CAST: variants seen among roughly 807,000 people sequenced by gnomAD.
The protein encoded by CAST is MIR583 host.
Under a neutral mutation model 119.6 loss-of-function variants are expected in CAST, and 76 were observed. The ratio of observed to expected loss-of-function variants is 0.64; its 90% CI spans 0.53 to 0.77. The LOEUF (loss-of-function observed/expected upper bound fraction) is 0.77. Ranked by LOEUF, CAST falls within the 30% of genes least tolerant of loss-of-function variation. CAST has a pLI of 0.00. For synonymous variants in CAST, 319 were observed against 331.6 expected (o/e 0.96, Z 0.41); for missense variants, 953 against 946.5 (o/e 1.01, Z -0.09).
At chr5:96,689,233 C>T (rs896240851) in intron 2 of CAST, among the ~76,000 whole-genome samples, 5 of 152,146 alleles carry the variant, frequency 3.3e-5, no homozygotes, top group Non-Finnish European at 7.3e-5. Context: ...GGTTTATATG[C>T]ACACACTATC....
chr5:96,205,046 C>T, the CAST span, among the ~76,000 whole-genome samples: 1 of 152,034 alleles, frequency 6.6e-6, no homozygotes, highest in Non-Finnish European at 1.5e-5. Flanking sequence ...AAACAACTGA[C>T]GTGACAAGGA....
At chr5:96,429,427 C>T in the CAST span, 1 of 660,152 alleles carries the variant, frequency 1.5e-6, no homozygotes, top group African/African-American at 1.8e-5. Context: ...AAGCCCATTC[C>T]TGGTATCTGA....
At position 96,695,756 on chromosome 5, in the gene CAST, T is replaced by G. The variant is rs1753207490; in HGVS notation, c.139-80T>G. 2.6e-5 allele frequency: 22 copies of G among 832,838 alleles called. No homozygotes were observed. The South Asian group carries it at 3.4e-4, about 13-fold the overall frequency. 51.6% of individuals were successfully genotyped at this position (832,838 alleles called of 1,614,324 possible). A position where few individuals can be genotyped will look rare whatever the true frequency, so the allele number is the denominator to read the frequency against. On this transcript the variant is annotated intron_variant, in intron 2 of 31. Transcript: ENST00000675179. ...TCTGATTTTTGCTTGAGAAAATATT[T>G]GTATTGATATGTAAGTTTGCATTTG...
chr5:96,738,657 G>C (rs1013288763), intron 11 of CAST, among the ~76,000 whole-genome samples: 5 of 151,978 alleles, frequency 3.3e-5, no homozygotes, highest in African/African-American at 1.2e-4. Context: ...TGCCAGCCAG[G>C]CATGGTGGCT....
chr5:96,742,633 C>G lies in CAST; in HGVS notation c.1099-22C>G, dbSNP rs10515244. The G allele has an allele frequency of 0.12, 177,231 of 1,505,340 alleles. 11,539 individuals are homozygous for G. Among genetic ancestry groups the G allele is most frequent in the Non-Finnish European group, 0.13 (145,272 of 1,081,420 alleles). 93.2% of individuals were successfully genotyped at this position (1,505,340 alleles called of 1,614,324 possible). ...CTCCAGAGATGTCTTTTTTCATGCACAGGATTTTTTACTTTTAACAGGATA... is the reference window on the plus strand; with the variant it reads ...CTCCAGAGATGTCTTTTTTCATGCAGAGGATTTTTTACTTTTAACAGGATA... On this transcript the variant is annotated intron_variant, in intron 15 of 31. Coordinates refer to ENST00000675179, the MANE Select transcript of CAST (RefSeq NM_001750.7).
intron 24 of CAST, among the ~76,000 whole-genome samples, chr5:96,759,235 G>A (rs1034568492): frequency 6.6e-6 from 1 of 152,102 alleles, no homozygotes; most frequent in African/African-American, 2.4e-5. Context: ...AAATTTGGGG[G>A]AGAAGTATCA....
At chr5:96,567,640 C>T (rs550398181) in intron 1 of CAST, among the ~76,000 whole-genome samples, 1 of 152,284 alleles carries the variant, frequency 6.6e-6, no homozygotes, top group East Asian at 1.9e-4. Context: ...TTTCTGTTGA[C>T]TAAATTGTTG....
chr5:96,493,833 G>A, the CAST span, among the ~76,000 whole-genome samples: 3 of 152,054 alleles, frequency 2.0e-5, no homozygotes, highest in Non-Finnish European at 2.9e-5. Flanking sequence ...TCAGGAGTTC[G>A]AGACCAGGCT....
the CAST span, chr5:96,422,064 T>C: frequency 1.4e-6 from 1 of 723,326 alleles, no homozygotes; most frequent in South Asian, 1.5e-5. Context: ...CCATCCTGGC[T>C]GATAGCTCAA....
the CAST span, among the ~76,000 whole-genome samples, chr5:96,096,192 A>G: frequency 6.6e-6 from 1 of 152,076 alleles, no homozygotes; most frequent in Non-Finnish European, 1.5e-5. Flanking sequence ...TGTGCAGGGA[A>G]CCTCCATGTA....
chr5:96,168,824 A>G, the CAST span, among the ~76,000 whole-genome samples: 1 of 152,202 alleles, frequency 6.6e-6, no homozygotes, highest in South Asian at 2.1e-4. Flanking sequence ...AAGAGTGAGT[A>G]TAGCTGAAGG....
chr5:96,480,062 A>G, the CAST span, among the ~76,000 whole-genome samples: 1 of 152,192 alleles, frequency 6.6e-6, no homozygotes, highest in Non-Finnish European at 1.5e-5. Context: ...CATGTTACAG[A>G]ATTTGCATTT....
At chr5:96,767,704 G>A (rs1260181982) in intron 28 of CAST, among the ~76,000 whole-genome samples, 1 of 152,074 alleles carries the variant, frequency 6.6e-6, no homozygotes, top group Non-Finnish European at 1.5e-5. Flanking sequence ...TAAGCAACGT[G>A]TATTAAAGAG....
chr5:96,336,456 T>G, the CAST span, among the ~76,000 whole-genome samples: 1 of 152,184 alleles, frequency 6.6e-6, no homozygotes, highest in Non-Finnish European at 1.5e-5. Context: ...GGACTGGGCC[T>G]GAGATATTTG....
intron 1 of CAST, among the ~76,000 whole-genome samples, chr5:96,602,763 TA>T (rs907319044): frequency 1.3e-5 from 2 of 152,022 alleles, no homozygotes; most frequent in Non-Finnish European, 2.9e-5. Context: ...AATAAATAGA[TA>T]AATAACAGGG....
the CAST span, chr5:95,961,612 G>C: frequency 1.9e-6 from 3 of 1,606,070 alleles, no homozygotes; most frequent in African/African-American, 2.7e-5. Flanking sequence ...CCGGATCGCC[G>C]TCTCGGTGAG....
the CAST span, among the ~76,000 whole-genome samples, chr5:96,006,925 C>T: frequency 2.0e-5 from 3 of 152,142 alleles, no homozygotes; most frequent in African/African-American, 7.2e-5. Flanking sequence ...AAAATGACAG[C>T]CTTGCAATAG....
chr5:96,520,752 G>A (rs922358412), upstream of CAST, among the ~76,000 whole-genome samples: 9 of 152,070 alleles, frequency 5.9e-5, no homozygotes, highest in Admixed American at 1.3e-4. Context: ...ATTGAAATTC[G>A]TAGTTCTTTG....
chr5:96,296,929 T>C, the CAST span, among the ~76,000 whole-genome samples: 2 of 152,236 alleles, frequency 1.3e-5, no homozygotes, highest in Non-Finnish European at 1.5e-5. Flanking sequence ...TAACTGATGC[T>C]TTTCTATTGC....
Sources: gnomAD v4.1 joint callset for allele counts (sites outside exome capture counted in the v4.1 genomes callset) on GRCh38, gnomAD v4.1.1 for gene constraint, MANE v1.5 for transcripts, NCBI Gene and HGNC (gene_info 2026-07-23, HGNC 2026-07-21) for gene names.